TBX15: variants seen among roughly 807,000 people sequenced by gnomAD.
TBX15 encodes T-box transcription factor 15.
In TBX15, 18 loss-of-function variants were observed where a neutral mutation model predicts 53.9. The ratio of observed to expected loss-of-function variants is 0.33; its 90% CI spans 0.23 to 0.49. The LOEUF is 0.49. TBX15 is among the 20% of genes least tolerant of loss of function. TBX15 has a pLI of 0.98. For missense variants in TBX15, 692 were observed against 749.5 expected, an observed-to-expected ratio of 0.92 and a Z score of 0.90; for synonymous variants, 295 against 278.0, an observed-to-expected ratio of 1.06 and a Z score of -0.61.
intron 7 of TBX15, among the ~76,000 whole-genome samples, chr1:118,889,713 T>C (rs1465709407): frequency 6.6e-6 from 1 of 152,212 alleles, no homozygotes; most frequent in East Asian, 1.9e-4. Context: ...CCAATATCTA[T>C]TTTGTAGAGA....
intron 6 of TBX15, among the ~76,000 whole-genome samples, chr1:118,909,785 G>A (rs549731156): frequency 7.2e-4 from 110 of 152,178 alleles, no homozygotes; most frequent in Non-Finnish European, 1.4e-3. Flanking sequence ...GTTTCATCAC[G>A]TTGGCCAGGC....
intron 1 of TBX15, among the ~76,000 whole-genome samples, chr1:118,932,696 G>A (rs1655838262): frequency 6.6e-6 from 1 of 152,112 alleles, no homozygotes; most frequent in Non-Finnish European, 1.5e-5. Context: ...ATGAAGACAA[G>A]TGGGGCTGGG....
rs191019507 is a variant in TBX15 at position 118,958,930 on chromosome 1, G to A, written c.206-27098C>T. On this transcript the variant is annotated intron_variant, in intron 1 of 7. Coordinates refer to ENST00000369429, the MANE Select transcript of TBX15 (RefSeq NM_001330677.2). ...ATTGGTAAAAGATGGGTAGAAGACCGTGCTTATTGTTCCAGTATTATAAAT... is the reference window on the plus strand; with the variant it reads ...ATTGGTAAAAGATGGGTAGAAGACCATGCTTATTGTTCCAGTATTATAAAT... 2.5e-3 allele frequency among the ~76,000 whole-genome samples: 378 copies of A among 152,146 alleles called. 1 individual carries two copies. The highest frequency in any genetic ancestry group is 8.9e-3 in the African/African-American group (369 of 41,522).
At position 118,951,151 on chromosome 1, in the gene TBX15, C is replaced by T. The variant is rs1375342036; in HGVS notation, c.206-19319G>A. Among the ~76,000 whole-genome samples, 4 of 152,136 alleles carry T rather than the reference C, an allele frequency of 2.6e-5. 1 individual carries two copies. Among genetic ancestry groups the T allele is most frequent in the Non-Finnish European group, 5.9e-5 (4 of 68,024 alleles). Reference sequence around the variant, plus strand: ...CTACATCTTCAATGTCATAAAATACCTGGCTTGAAATAAATTTCCTTGACA... The same window carrying T: ...CTACATCTTCAATGTCATAAAATACTTGGCTTGAAATAAATTTCCTTGACA... On this transcript the variant is annotated intron_variant, in intron 1 of 7. Transcript: ENST00000369429.
At chr1:118,964,259 A>G (rs1210813758) in intron 1 of TBX15, among the ~76,000 whole-genome samples, 1 of 152,172 alleles carries the variant, frequency 6.6e-6, no homozygotes, top group Non-Finnish European at 1.5e-5. Context: ...CTAAACTCAT[A>G]TCTCCCCATT....
chr1:118,978,941 G>C (rs1322333621), intron 1 of TBX15, among the ~76,000 whole-genome samples: 1 of 152,120 alleles, frequency 6.6e-6, no homozygotes, highest in Admixed American at 6.5e-5. Context: ...TCAAATGTTT[G>C]CCCCTCCCCA....
At chr1:118,893,335 AGGAAGGAAGGAAGGAAGGAAG>A (rs1557872456) in intron 7 of TBX15, among the ~76,000 whole-genome samples, 1 of 65,148 alleles carries the variant, frequency 1.5e-5, no homozygotes, top group African/African-American at 1.0e-4. Context: ...AGAAGAAAGA[AGGAAGGAAGGAAGGAAGGAAG>A]GAAAGAAAGA....
chr1:118,968,042 A>T (rs758769431), intron 1 of TBX15, among the ~76,000 whole-genome samples: 16 of 152,206 alleles, frequency 1.1e-4, no homozygotes, highest in Non-Finnish European at 2.2e-4. Context: ...ATTTGTTTGT[A>T]TACTGGTAGA....
intron 6 of TBX15, among the ~76,000 whole-genome samples, chr1:118,907,384 A>T (rs192272264): frequency 1.2e-3 from 177 of 152,098 alleles, no homozygotes; most frequent in Non-Finnish European, 2.1e-3. Context: ...TAATAATCTC[A>T]TTTTTATGTA....
intron 7 of TBX15, 75 bp from the exon 8 acceptor site, chr1:118,885,591 A>G: frequency 1.3e-6 from 2 of 1,529,110 alleles, no homozygotes; most frequent in Non-Finnish European, 1.8e-6. Flanking sequence ...TGCAAGCCAT[A>G]CAGGAGGTGC....
At chr1:118,951,588 T>A (rs545198686) in intron 1 of TBX15, among the ~76,000 whole-genome samples, 1 of 152,294 alleles carries the variant, frequency 6.6e-6, no homozygotes, top group East Asian at 1.9e-4. Context: ...TTTTTAAAGG[T>A]CACCTGCTGC....
At chr1:118,973,958 T>A (rs1441737220) in intron 1 of TBX15, among the ~76,000 whole-genome samples, 1 of 152,228 alleles carries the variant, frequency 6.6e-6, no homozygotes, top group East Asian at 1.9e-4. Flanking sequence ...CGCACAGTTG[T>A]ACCAGATGGG....
intron 2 of TBX15, 117 bp downstream of exon 2, chr1:118,931,502 G>C (rs1655777835): frequency 9.3e-7 from 1 of 1,072,842 alleles, no homozygotes; most frequent in African/African-American, 1.6e-5. Flanking sequence ...AGAGAAGTGA[G>C]TGCAAGCTGC....
intron 1 of TBX15, among the ~76,000 whole-genome samples, chr1:118,959,206 C>T (rs1656787409): frequency 6.6e-6 from 1 of 152,164 alleles, no homozygotes; most frequent in Non-Finnish European, 1.5e-5. Flanking sequence ...CTAGATACCT[C>T]CCACATTACC....
chr1:118,984,517 A>C (rs1443357163), intron 1 of TBX15, among the ~76,000 whole-genome samples: 1 of 148,252 alleles, frequency 6.7e-6, no homozygotes, highest in Non-Finnish European at 1.5e-5. Flanking sequence ...AGGCCGCAGC[A>C]ATATACTTGC....
intron 6 of TBX15, among the ~76,000 whole-genome samples, chr1:118,902,597 G>A (rs545303530): frequency 3.9e-5 from 6 of 152,198 alleles, no homozygotes; most frequent in African/African-American, 9.6e-5. Flanking sequence ...ACATCCTCCA[G>A]TATTAGAGAT....
At chr1:118,969,466 G>T (rs1041607380) in intron 1 of TBX15, among the ~76,000 whole-genome samples, 1 of 152,190 alleles carries the variant, frequency 6.6e-6, no homozygotes, top group South Asian at 2.1e-4. Context: ...TCCTCAGAAA[G>T]CAGTTCAGCA....
rs1239300961 is a variant in TBX15, at chr1:118,923,479, G to T, written c.818C>A (p.Pro273His). 4 of 1,613,938 alleles carry T rather than the reference G, an allele frequency of 2.5e-6. No homozygotes were observed. In the Admixed American group the frequency reaches 6.7e-5, roughly 27 times the overall value. ...CGTAACTGTGGTGAACACAGTCTCA[G>T]GAAAGTTGAACGTTTTCACCCCATC... Reference protein sequence around the residue: ...VGDGVKTFNFPETVFTTVTAY... With the variant: ...VGDGVKTFNFHETVFTTVTAY... The change falls in exon 5 of 8, where the codon CCT (proline) becomes CAT (histidine). Residue 273 changes from proline (P) to histidine (H), a missense_variant. Physicochemically the swap from Pro to His is moderately conservative, Grantham distance 77. Around this residue, in one of 3 missense-constraint regions of TBX15, gnomAD observed 307 missense variants for 347.5 expected, o/e 0.88. Transcript: ENST00000369429.
chr1:118,987,651 G>T lies in TBX15; in HGVS notation c.145C>A (p.Pro49Thr), dbSNP rs1261646845. Reference protein sequence around the residue: ...GLDLSMEALSPAGPLGDTEDA... With the variant: ...GLDLSMEALSTAGPLGDTEDA... Reference sequence around the variant, plus strand: ...TCCGTGTCTCCGAGTGGGCCCGCGGGGCTCAGCGCCTCCATAGACAGGTCC... The same window carrying T: ...TCCGTGTCTCCGAGTGGGCCCGCGGTGCTCAGCGCCTCCATAGACAGGTCC... The change falls in exon 1 of 8, where the codon CCC becomes ACC. Residue 49 changes from proline (P) to threonine (T), a missense_variant. This residue lies in a region of TBX15 where 307 missense variants were observed against 347.5 expected (regional missense o/e 0.88). Transcript: ENST00000369429. The T allele has an allele frequency of 1.9e-6, 3 of 1,550,200 alleles. No individual in the cohort carries two copies. Among genetic ancestry groups the T allele is most frequent in the South Asian group, 2.4e-5 (2 of 84,056 alleles).
Sources: gnomAD v4.1 joint callset for allele counts (sites outside exome capture counted in the v4.1 genomes callset) on GRCh38, gnomAD v4.1.1 for gene constraint, gnomAD v4.1.1 regional missense constraint, MANE v1.5 for transcripts, NCBI Gene and HGNC (gene_info 2026-07-23, HGNC 2026-07-21) for gene names.